Variants in TRPM3 observed in about 807,000 individuals in gnomAD.
TRPM3 encodes long transient receptor potential channel 3.
In TRPM3, 77 loss-of-function variants were observed where a neutral mutation model predicts 181.2. That is an observed-to-expected ratio of 0.42 (90% CI 0.35 to 0.51). The LOEUF (loss-of-function observed/expected upper bound fraction) is 0.51, where lower values mean the gene tolerates loss of function less well. Among genes scored for constraint, TRPM3 ranks in the 20% least tolerant of loss-of-function variants. TRPM3 has a pLI of 0.01. For synonymous variants in TRPM3, 745 were observed against 796.4 expected (o/e 0.94, Z 1.09); for missense variants, 1,759 against 2,196.7 (o/e 0.80, Z 3.98).
chr9:71,043,262 GTGAT>G (rs1439790268), intron 1 of TRPM3, among the ~76,000 whole-genome samples: 8 of 152,236 alleles, frequency 5.3e-5, no homozygotes, highest in African/African-American at 1.9e-4. Flanking sequence ...TAGTTAGTGG[GTGAT>G]TGATAAACAG....
chr9:71,409,175 C>T (rs2093494448), intron 1 of TRPM3, among the ~76,000 whole-genome samples: 1 of 152,092 alleles, frequency 6.6e-6, no homozygotes, highest in South Asian at 2.1e-4. Context: ...TAAAGACCAT[C>T]GATGCTAGGA....
intron 1 of TRPM3, among the ~76,000 whole-genome samples, chr9:71,197,320 G>A (rs142184182): frequency 0.018 from 2,725 of 152,094 alleles, 48 homozygotes; most frequent in East Asian, 0.075. Flanking sequence ...GAATAGTGCC[G>A]CAATAAACAT....
chr9:71,326,862 G>C (rs768785028), intron 1 of TRPM3, among the ~76,000 whole-genome samples: 1 of 152,142 alleles, frequency 6.6e-6, no homozygotes, highest in Non-Finnish European at 1.5e-5. Context: ...AGTGTCTCTG[G>C]TGCAGTTCCC....
At chr9:71,335,367 A>G (rs2090480487) in intron 1 of TRPM3, among the ~76,000 whole-genome samples, 1 of 152,152 alleles carries the variant, frequency 6.6e-6, no homozygotes, top group African/African-American at 2.4e-5. Flanking sequence ...TACAAAACCA[A>G]TATTAAGGAA....
intron 6 of TRPM3, among the ~76,000 whole-genome samples, chr9:70,819,685 T>C (rs2093003041): frequency 6.6e-6 from 1 of 152,248 alleles, no homozygotes; most frequent in South Asian, 2.1e-4. Context: ...AGGTCTGCCA[T>C]GGGGAAATAA....
At chr9:71,287,135 TA>T (rs1320162379) in intron 1 of TRPM3, among the ~76,000 whole-genome samples, 10 of 146,188 alleles carry the variant, frequency 6.8e-5, no homozygotes, top group African/African-American at 1.2e-4. Context: ...TAATATATAA[TA>T]AAAATATATA....
intron 22 of TRPM3, among the ~76,000 whole-genome samples, chr9:70,563,739 C>T (rs972279296): frequency 6.6e-6 from 1 of 151,976 alleles, no homozygotes; most frequent in African/African-American, 2.4e-5. Context: ...GGAGAGAGAG[C>T]AAGAGAGAAA....
chr9:70,745,640 C>T (rs1346221234), intron 8 of TRPM3, among the ~76,000 whole-genome samples: 2 of 152,078 alleles, frequency 1.3e-5, no homozygotes, highest in Non-Finnish European at 2.9e-5. Flanking sequence ...GACTTTGAGC[C>T]ATTTGGTGTA....
intron 1 of TRPM3, among the ~76,000 whole-genome samples, chr9:71,143,480 G>A (rs2075239362): frequency 6.6e-6 from 1 of 152,048 alleles, no homozygotes; most frequent in African/African-American, 2.4e-5. Context: ...AAAGATAATG[G>A]CCTCTAGCTC....
chr9:71,415,859 T>C (rs1259651163), intron 1 of TRPM3, among the ~76,000 whole-genome samples: 1 of 151,776 alleles, frequency 6.6e-6, no homozygotes, highest in African/African-American at 2.4e-5. Flanking sequence ...AATAAAATAG[T>C]ACTAGAAAAA....
chr9:70,659,927 A>G (rs1488902506), intron 9 of TRPM3, among the ~76,000 whole-genome samples: 2 of 152,178 alleles, frequency 1.3e-5, no homozygotes, highest in Non-Finnish European at 2.9e-5. Context: ...CTTCACAGTA[A>G]TGTGGCCTAT....
At chr9:71,389,664 T>A (rs1233820590) in intron 1 of TRPM3, among the ~76,000 whole-genome samples, 1 of 152,118 alleles carries the variant, frequency 6.6e-6, no homozygotes, top group Non-Finnish European at 1.5e-5. Flanking sequence ...TAAAAATGAA[T>A]GAGTTAACAG....
At chr9:70,618,420 T>C (rs1001174415) in intron 17 of TRPM3, among the ~76,000 whole-genome samples, 1 of 152,216 alleles carries the variant, frequency 6.6e-6, no homozygotes, top group Non-Finnish European at 1.5e-5. Context: ...CTCAGTTTTA[T>C]CTTAGTTTAA....
chr9:70,941,119 G>C (rs895473866), intron 1 of TRPM3, among the ~76,000 whole-genome samples: 3 of 152,134 alleles, frequency 2.0e-5, no homozygotes, highest in Non-Finnish European at 2.9e-5. Context: ...TATTGTTCCA[G>C]GGTATGTCTG....
chr9:70,869,950 T>A (rs886432523), intron 1 of TRPM3, among the ~76,000 whole-genome samples: 7 of 152,002 alleles, frequency 4.6e-5, no homozygotes, highest in African/African-American at 1.7e-4. Flanking sequence ...AACTGGGAGA[T>A]AAAAGAGCTT....
intron 11 of TRPM3, among the ~76,000 whole-genome samples, chr9:70,635,462 ATT>A (rs71505401): frequency 9.8e-4 from 111 of 113,116 alleles, no homozygotes; most frequent in Middle Eastern, 4.7e-3. Flanking sequence ...TTTGTCAGTG[ATT>A]TTTTTTTTTT....
At chr9:71,107,263 A>T (rs1386895632) in intron 1 of TRPM3, among the ~76,000 whole-genome samples, 1 of 152,056 alleles carries the variant, frequency 6.6e-6, no homozygotes, top group Non-Finnish European at 1.5e-5. Flanking sequence ...GTGAGCAATA[A>T]TCTCTAGCAT....
chr9:71,288,890 G>C (rs1185479642), intron 1 of TRPM3, among the ~76,000 whole-genome samples: 1 of 152,074 alleles, frequency 6.6e-6, no homozygotes, highest in Non-Finnish European at 1.5e-5. Flanking sequence ...AGACAGTGGG[G>C]CATGCATATC....
intron 24 of TRPM3, 65 bp from the exon 25 acceptor site, chr9:70,549,739 G>A: frequency 6.6e-7 from 1 of 1,508,304 alleles, no homozygotes; most frequent in Non-Finnish European, 8.9e-7. Context: ...TCTGATTTGT[G>A]GGCCTAGTGA....
Sources: gnomAD v4.1 joint callset for allele counts (sites outside exome capture counted in the v4.1 genomes callset) on GRCh38, gnomAD v4.1.1 for gene constraint, MANE v1.5 for transcripts, NCBI Gene and HGNC (gene_info 2026-07-23, HGNC 2026-07-21) for gene names.